Variants in VWC2L observed in about 807,000 individuals in gnomAD.
The protein encoded by VWC2L is von Willebrand factor C domain containing 2 like, also known as von Willebrand factor C domain-containing protein 2-like.
VWC2L carries 10 observed loss-of-function variants against 21.6 expected under a neutral mutation model. The observed-to-expected ratio is 0.46, with a 90% CI of 0.29 to 0.78. The LOEUF is 0.78. Among genes scored for constraint, VWC2L ranks in the 30% least tolerant of loss-of-function variants. VWC2L has a pLI of 0.10. For synonymous variants in VWC2L, 96 were observed against 94.3 expected (o/e 1.02, Z -0.10); for missense variants, 209 against 277.1 (o/e 0.75, Z 1.74).
intron 3 of VWC2L, among the ~76,000 whole-genome samples, chr2:214,440,314 T>C (rs1240809457): frequency 6.6e-6 from 1 of 151,992 alleles, no homozygotes; most frequent in East Asian, 1.9e-4. Context: ...TCTAAAAATA[T>C]TATTAAGCAT....
At chr2:214,545,449 T>C (rs1689691417) in intron 3 of VWC2L, among the ~76,000 whole-genome samples, 1 of 152,188 alleles carries the variant, frequency 6.6e-6, no homozygotes, top group Non-Finnish European at 1.5e-5. Flanking sequence ...GAGTAACACA[T>C]GGTTTTTGTA....
At chr2:214,541,859 A>C (rs2105921196) in intron 3 of VWC2L, among the ~76,000 whole-genome samples, 1 of 152,040 alleles carries the variant, frequency 6.6e-6, no homozygotes, top group East Asian at 1.9e-4. Context: ...CATATATTCT[A>C]GGTGAATTTT....
chr2:214,458,947 C>T (rs143260508), intron 3 of VWC2L, among the ~76,000 whole-genome samples: 256 of 152,192 alleles, frequency 1.7e-3, no homozygotes, highest in Non-Finnish European at 2.7e-3. Flanking sequence ...TGGTCTAATG[C>T]GCAGTTTATA....
At chr2:214,413,934 A>G (rs560600475) in intron 1 of VWC2L, among the ~76,000 whole-genome samples, 180 bp from the exon 2 acceptor site, 1 of 152,298 alleles carries the variant, frequency 6.6e-6, no homozygotes, top group African/African-American at 2.4e-5. Flanking sequence ...TTTAATGCAT[A>G]TATTGCCAAG....
At chr2:214,565,424 G>A (rs1289431773) in intron 3 of VWC2L, among the ~76,000 whole-genome samples, 1 of 151,938 alleles carries the variant, frequency 6.6e-6, no homozygotes, top group Non-Finnish European at 1.5e-5. Flanking sequence ...TTTTCTTAAT[G>A]ACTCCCTCCT....
intron 3 of VWC2L, among the ~76,000 whole-genome samples, chr2:214,539,662 G>C (rs1689596204): frequency 1.3e-5 from 2 of 152,058 alleles, no homozygotes; most frequent in African/African-American, 4.8e-5. Flanking sequence ...TTGATGTGCT[G>C]CTTCTTATTG....
chr2:214,482,813 A>C (rs1389466806), intron 3 of VWC2L, among the ~76,000 whole-genome samples: 1 of 152,046 alleles, frequency 6.6e-6, no homozygotes, highest in Non-Finnish European at 1.5e-5. Flanking sequence ...AGTCTACTTG[A>C]TAGCCAGTTT....
At chr2:214,440,219 A>G (rs1702744070) in intron 3 of VWC2L, among the ~76,000 whole-genome samples, 1 of 152,072 alleles carries the variant, frequency 6.6e-6, no homozygotes, top group Non-Finnish European at 1.5e-5. Context: ...GACAGAGTCT[A>G]TGTAAGACAC....
chr2:214,525,915 T>C (rs1689325673), intron 3 of VWC2L, among the ~76,000 whole-genome samples: 1 of 152,136 alleles, frequency 6.6e-6, no homozygotes, highest in South Asian at 2.1e-4. Context: ...GGATAAAAAG[T>C]AGTACATACC....
chr2:214,570,057 C>A (rs183278846), intron 3 of VWC2L, among the ~76,000 whole-genome samples: 8 of 152,134 alleles, frequency 5.3e-5, no homozygotes, highest in Middle Eastern at 3.4e-3. Context: ...TTGTAGAATC[C>A]TGGATGATTG....
intron 3 of VWC2L, among the ~76,000 whole-genome samples, chr2:214,504,878 G>A (rs1258766666): frequency 6.6e-6 from 1 of 152,164 alleles, no homozygotes; most frequent in Non-Finnish European, 1.5e-5. Context: ...AAAGAGGATA[G>A]ACAGACAAGT....
At chr2:214,479,954 T>C (rs1028273301) in intron 3 of VWC2L, among the ~76,000 whole-genome samples, 1 of 152,224 alleles carries the variant, frequency 6.6e-6, no homozygotes, top group Non-Finnish European at 1.5e-5. Flanking sequence ...CCTAGGATGG[T>C]TGTGTCATTA....
At chr2:214,524,272 GT>G (rs1689292006) in intron 3 of VWC2L, among the ~76,000 whole-genome samples, 1 of 152,022 alleles carries the variant, frequency 6.6e-6, no homozygotes, top group Non-Finnish European at 1.5e-5. Flanking sequence ...ATTATTCTTG[GT>G]TGTTAAACAG....
intron 3 of VWC2L, 56 bp from the exon 4 acceptor site, chr2:214,575,616 G>A (rs1221024516): frequency 1.3e-6 from 2 of 1,591,382 alleles, no homozygotes; most frequent in Non-Finnish European, 1.7e-6. Flanking sequence ...TGGATGGTGG[G>A]GAGAAAGGGA....
At chr2:214,520,086 C>CACACACACACACACAT (rs1393986592) in intron 3 of VWC2L, among the ~76,000 whole-genome samples, 1 of 151,178 alleles carries the variant, frequency 6.6e-6, no homozygotes, top group African/African-American at 2.5e-5. Context: ...CACACACACA[C>CACACACACACACACAT]ACACTTATGT....
chr2:214,426,887 A>C (rs546855476), intron 2 of VWC2L, among the ~76,000 whole-genome samples: 22 of 152,218 alleles, frequency 1.4e-4, no homozygotes, highest in Non-Finnish European at 2.2e-4. Context: ...GCACATTGCT[A>C]ACATGAGGAA....
At chr2:214,569,320 G>A (rs1384458372) in intron 3 of VWC2L, among the ~76,000 whole-genome samples, 1 of 151,756 alleles carries the variant, frequency 6.6e-6, no homozygotes, top group Non-Finnish European at 1.5e-5. Flanking sequence ...GTATTTCATG[G>A]TAACACACAC....
At chr2:214,500,989 C>T (rs1688883309) in intron 3 of VWC2L, among the ~76,000 whole-genome samples, 1 of 152,228 alleles carries the variant, frequency 6.6e-6, no homozygotes, top group African/African-American at 2.4e-5. Flanking sequence ...CTATAAACAG[C>T]ATCTCTCTTC....
chr2:214,534,547 T>C (rs1172604995), intron 3 of VWC2L, among the ~76,000 whole-genome samples: 1 of 152,098 alleles, frequency 6.6e-6, no homozygotes, highest in African/African-American at 2.4e-5. Context: ...TGCATGACTC[T>C]GGGAGCATCA....
Sources: gnomAD v4.1 joint callset for allele counts (sites outside exome capture counted in the v4.1 genomes callset) on GRCh38, gnomAD v4.1.1 for gene constraint, MANE v1.5 for transcripts, NCBI Gene and HGNC (gene_info 2026-07-23, HGNC 2026-07-21) for gene names.